IFNG: variants seen among roughly 807,000 people sequenced by gnomAD.
The protein encoded by IFNG is interferon gamma.
A neutral mutation model predicts 14.4 loss-of-function variants in IFNG; 8 were observed. The ratio of observed to expected loss-of-function variants is 0.56; its 90% CI spans 0.33 to 1.00. The LOEUF (loss-of-function observed/expected upper bound fraction) is 1.00, where lower values mean the gene tolerates loss of function less well. IFNG is among the 50% of genes least tolerant of loss of function. The pLI is 0.03. For synonymous variants in IFNG, 73 were observed against 65.4 expected, an observed-to-expected ratio of 1.12 and a Z score of -0.56; for missense variants, 132 against 194.9, an observed-to-expected ratio of 0.68 and a Z score of 1.92.
Position 68,155,351 on chromosome 12 carries a change from C to CA in IFNG, c.*1dup, listed in dbSNP as rs775756198. On this transcript the variant is annotated 3_prime_UTR_variant, in exon 4 of 4. Coordinates refer to ENST00000229135, the MANE Select transcript of IFNG (RefSeq NM_000619.3). ...ATTCAAATATTGCAGGCAGGACAAC[C>CA]ATTACTGGGATGCTCTTCGACCTCG... The CA allele has an allele frequency of 5.6e-6, 9 of 1,594,716 alleles. No homozygotes were observed. In the East Asian group the frequency reaches 2.0e-4, roughly 36 times the overall value.
chr12:68,158,039 A>T lies in IFNG; in HGVS notation c.240T>A (p.Phe80Leu). 6.2e-7 allele frequency: 1 copy of T among 1,609,142 alleles called. No homozygotes were observed. Among genetic ancestry groups the T allele is most frequent in the Non-Finnish European group, 8.5e-7 (1 of 1,177,004 alleles). Residue 80 changes from phenylalanine (F) to leucine (L), a missense_variant, in exon 3 of 4, where the codon TTT becomes TTA. By Grantham distance (22) the Phe-to-Leu change is conservative (BLOSUM62 0). Transcript: ENST00000229135. ...SQIVSFYFKL[F>L]KNFKDDQSIQ... ...TGCTCTGGTCATCTTTAAAGTTTTT[A>T]AAAAGTTTGAAGTAAAAGGAGACAA...
intron 1 of IFNG, 48 bp downstream of exon 1, chr12:68,159,454 T>C: frequency 1.2e-6 from 1 of 846,770 alleles, no homozygotes; most frequent in Non-Finnish European, 2.0e-6. Flanking sequence ...AAGTCGATAT[T>C]CAGTCATTTT....
In IFNG at chr12:68,159,675, C is replaced by A; in HGVS notation, c.-60G>T. 1 of 856,976 alleles carries A rather than the reference C, an allele frequency of 1.2e-6. No individual in the cohort carries two copies. Among genetic ancestry groups the A allele is most frequent in the Admixed American group, 2.0e-5 (1 of 49,734 alleles). 53.1% of individuals were successfully genotyped at this position (856,976 alleles called of 1,614,324 possible). ...TCAGTAGTTCTTGTATCAAGCTGAT[C>A]AGGTCCAAAGGACTTAACTGATCTT... On this transcript the variant is annotated 5_prime_UTR_variant, in exon 1 of 4. Transcript: ENST00000229135.
chr12:68,158,149 C>A (rs753213028), intron 2 of IFNG, 42 bp downstream of exon 2: 4 of 1,595,390 alleles, frequency 2.5e-6, no homozygotes, highest in Non-Finnish European at 3.4e-6. Flanking sequence ...CATCAGAAAG[C>A]AAGCAACAGG....
chr12:68,156,581 C>T (rs549915596), intron 3 of IFNG, among the ~76,000 whole-genome samples: 53 of 152,232 alleles, frequency 3.5e-4, no homozygotes, highest in African/African-American at 1.3e-3. Flanking sequence ...CTCAAGATTG[C>T]CCATCAAGAA....
At chr12:68,157,091 A>C (rs1882612493) in intron 3 of IFNG, among the ~76,000 whole-genome samples, 1 of 152,230 alleles carries the variant, frequency 6.6e-6, no homozygotes, top group Non-Finnish European at 1.5e-5. Flanking sequence ...TATAGAAGCC[A>C]TAACTTAAAG....
intron 1 of IFNG, 108 bp downstream of exon 1, chr12:68,159,394 C>A: frequency 5.1e-6 from 3 of 583,084 alleles, no homozygotes; most frequent in Non-Finnish European, 9.4e-6. Flanking sequence ...AACACCAAAT[C>A]TCAAAATGAC....
chr12:68,156,866 G>T (rs1391272590), intron 3 of IFNG, among the ~76,000 whole-genome samples: 2 of 152,050 alleles, frequency 1.3e-5, no homozygotes, highest in Non-Finnish European at 2.9e-5. Context: ...TCTGTTTCTG[G>T]GGGCTTACAT....
chr12:68,159,640 G>T lies in IFNG; in HGVS notation c.-25C>A, dbSNP rs374846391. ...TCGTTTCCGAGAGAATTAAGCCAAA[G>T]AAGTTGAAATCAGTAGTTCTTGTAT... On this transcript the variant is annotated 5_prime_UTR_variant, in exon 1 of 4. Transcript: ENST00000229135. 14 of 1,307,994 alleles carry T rather than the reference G, an allele frequency of 1.1e-5. No individual in the cohort carries two copies. The highest frequency in any genetic ancestry group is 2.3e-5 in the East Asian group (1 of 42,554). 81.0% of individuals were successfully genotyped at this position (1,307,994 alleles called of 1,614,324 possible).
intron 1 of IFNG, 29 bp downstream of exon 1, chr12:68,159,473 A>G: frequency 3.7e-6 from 4 of 1,086,782 alleles, no homozygotes; most frequent in Non-Finnish European, 5.6e-6. Context: ...TTCAACCACA[A>G]ACAAGTACTA....
At chr12:68,158,423 A>C (rs970919841) in intron 1 of IFNG, among the ~76,000 whole-genome samples, 164 bp from the exon 2 acceptor site, 3 of 152,190 alleles carry the variant, frequency 2.0e-5, no homozygotes, top group African/African-American at 4.8e-5. Flanking sequence ...CTTATGTGAG[A>C]TATAGACAAA....
Position 68,154,864 on chromosome 12 carries a change from T to C in IFNG, c.*489A>G, listed in dbSNP as rs1311656944. The C allele has an allele frequency of 1.3e-5, 2 of 152,834 alleles. No individual in the cohort carries two copies. Among genetic ancestry groups the C allele is most frequent in the Non-Finnish European group, 2.9e-5 (2 of 68,084 alleles). The allele number at this position is 152,834 out of a possible 1,614,324, so 9.5% of individuals were successfully genotyped here. ...TGGGTACAGTCACAGTTGTCAACAA[T>C]ATTTGGAAGCACCAGGCATGAAATC... On this transcript the variant is annotated 3_prime_UTR_variant, in exon 4 of 4. Coordinates refer to ENST00000229135, the MANE Select transcript of IFNG (RefSeq NM_000619.3).
At position 68,159,563 on chromosome 12, in the gene IFNG, G is replaced by T. The variant is rs777144079; in HGVS notation, c.53C>A (p.Ser18Tyr). 5 of 1,606,982 alleles carry T rather than the reference G, an allele frequency of 3.1e-6. No individual in the cohort carries two copies. In the East Asian group the frequency reaches 8.9e-5, roughly 29 times the overall value. Residue 18 changes from serine to tyrosine, a missense_variant, in exon 1 of 4, where the codon TCT becomes TAT. Ser to Tyr is a moderately radical substitution (Grantham distance 144, BLOSUM62 -2). Transcript: ENST00000229135. ...TGGGTCCTGGCAGTAACAGCCAAGAGAACCCAAAACGATGCAGAGCTGAAA... is the reference window on the plus strand; with the variant it reads ...TGGGTCCTGGCAGTAACAGCCAAGATAACCCAAAACGATGCAGAGCTGAAA... Reference protein sequence around the residue: ...LAFQLCIVLGSLGCYCQDPYV... With the variant: ...LAFQLCIVLGYLGCYCQDPYV...
At position 68,157,954 on chromosome 12, in the gene IFNG, T is replaced by C. The variant is rs771694484; in HGVS notation, c.325A>G (p.Lys109Glu). The C allele has an allele frequency of 6.8e-6, 11 of 1,607,492 alleles. No homozygotes were observed. The East Asian group carries it at 2.0e-4, about 29-fold the overall frequency. The change falls in exon 3 of 4, where the codon AAA (lysine) becomes GAA (glutamate). Residue 109 changes from lysine to glutamate, a missense_variant. Coordinates refer to ENST00000229135, the MANE Select transcript of IFNG (RefSeq NM_000619.3). ...DMNVKFFNSNKKKRDDFEKLT... is the reference protein window; with the variant it reads ...DMNVKFFNSNEKKRDDFEKLT... ...TTTTCGAAGTCATCTCGTTTCTTTT[T>C]GTTGCTATTGAAAAACTTGACATTC...
In IFNG at chr12:68,158,696, T is replaced by C. The variant is rs2069713; in HGVS notation, c.115-437A>G. On this transcript the variant is annotated intron_variant, in intron 1 of 3. Coordinates refer to ENST00000229135, the MANE Select transcript of IFNG (RefSeq NM_000619.3). Reference sequence around the variant, plus strand: ...GTATTATTATACGAGCTTTAAAAGATAGTTCCAAACATGTGCGAGTGTGTG... The same window carrying C: ...GTATTATTATACGAGCTTTAAAAGACAGTTCCAAACATGTGCGAGTGTGTG... Among the ~76,000 whole-genome samples, 1,312 of 148,928 alleles carry C rather than the reference T, an allele frequency of 8.8e-3. 17 individuals carry two copies. The highest frequency in any genetic ancestry group is 0.03 in the African/African-American group (1,200 of 40,302).
At chr12:68,157,714 C>T (rs937099853) in intron 3 of IFNG, among the ~76,000 whole-genome samples, 199 bp downstream of exon 3, 1 of 152,234 alleles carries the variant, frequency 6.6e-6, no homozygotes, top group Non-Finnish European at 1.5e-5. Flanking sequence ...CATTTCTCTA[C>T]ATTACATACT....
intron 3 of IFNG, among the ~76,000 whole-genome samples, chr12:68,156,179 C>A (rs1209567571): frequency 6.6e-6 from 1 of 152,164 alleles, no homozygotes; most frequent in African/African-American, 2.4e-5. Context: ...TAATTTCTCC[C>A]AGATTAGGTC....
At chr12:68,159,079 C>T (rs981997300) in intron 1 of IFNG, among the ~76,000 whole-genome samples, 17 of 152,176 alleles carry the variant, frequency 1.1e-4, no homozygotes, top group African/African-American at 3.6e-4. Context: ...GCTTTAAGGA[C>T]CTTTTTGACT....
intron 1 of IFNG, 112 bp from the exon 2 acceptor site, chr12:68,158,371 C>T: frequency 4.2e-6 from 3 of 710,434 alleles, no homozygotes; most frequent in Non-Finnish European, 6.9e-6. Flanking sequence ...ATTTCCTTTT[C>T]AACTCTTCTG....
Sources: gnomAD v4.1 joint callset for allele counts (sites outside exome capture counted in the v4.1 genomes callset) on GRCh38, gnomAD v4.1.1 for gene constraint, MANE v1.5 for transcripts, NCBI Gene and HGNC (gene_info 2026-07-23, HGNC 2026-07-21) for gene names.